The following MTREX variants were observed in gnomAD, a reference collection of about 807,000 sequenced individuals.
The protein encoded by MTREX is exosome RNA helicase MTR4.
In MTREX, 76 loss-of-function variants were observed where a neutral mutation model predicts 135.4. The observed-to-expected ratio is 0.56, with a 90% CI of 0.47 to 0.68. The LOEUF is 0.68. Among genes scored for constraint, MTREX ranks in the 30% least tolerant of loss-of-function variants. The pLI is 0.00. For missense variants in MTREX, 920 were observed against 1,262.1 expected (o/e 0.73, Z 4.11); for synonymous variants, 404 against 401.6 (o/e 1.01, Z -0.07).
intron 14 of MTREX, among the ~76,000 whole-genome samples, chr5:55,355,227 T>G (rs1229512217): frequency 6.6e-6 from 1 of 152,148 alleles, no homozygotes; most frequent in African/African-American, 2.4e-5. Context: ...TCCCAGGCTC[T>G]CTATACTATG....
At position 55,394,442 on chromosome 5, in the gene MTREX, T is replaced by A. The variant is rs565895786; in HGVS notation, c.2182-2974T>A. ...AAGAAACTGGTTTTGTGGAAGATAG[T>A]TTTTCCATGGACCAGTGTGGAGCAG... On this transcript the variant is annotated intron_variant, in intron 19 of 26. Coordinates refer to ENST00000230640, the MANE Select transcript of MTREX (RefSeq NM_015360.5). Among the ~76,000 whole-genome samples the A allele has an allele frequency of 5.3e-5, 8 of 152,274 alleles. No individual in the cohort carries two copies. In the South Asian group the frequency reaches 1.5e-3, roughly 28 times the overall value.
chr5:55,361,832 AT>A, intron 15 of MTREX, among the ~76,000 whole-genome samples: 1 of 151,000 alleles, frequency 6.6e-6, no homozygotes, highest in East Asian at 2.0e-4. Flanking sequence ...GGCTCAAGGG[AT>A]CCTCCTGTCG....
chr5:55,364,184 T>C (rs1750058809), intron 15 of MTREX, among the ~76,000 whole-genome samples: 1 of 152,194 alleles, frequency 6.6e-6, no homozygotes, highest in Non-Finnish European at 1.5e-5. Flanking sequence ...CATCGAGAAT[T>C]AACATGTATT....
chr5:55,349,182 ACT>A (rs1260959684), intron 11 of MTREX, among the ~76,000 whole-genome samples: 3 of 126,556 alleles, frequency 2.4e-5, no homozygotes, highest in Non-Finnish European at 3.3e-5. Context: ...CTCTTTAAAG[ACT>A]CTTTTTTTTT....
chr5:55,403,871 AC>A (rs754142861), intron 21 of MTREX, among the ~76,000 whole-genome samples: 2 of 152,150 alleles, frequency 1.3e-5, no homozygotes, highest in Non-Finnish European at 2.9e-5. Context: ...AGCCCTGTTC[AC>A]AGCAATATAA....
intron 16 of MTREX, among the ~76,000 whole-genome samples, chr5:55,373,445 A>G (rs1252235668): frequency 2.0e-5 from 3 of 152,148 alleles, no homozygotes; most frequent in African/African-American, 7.2e-5. Flanking sequence ...GAAGAGACTT[A>G]TAGGAAGGAA....
At chr5:55,372,907 T>C (rs1750228159) in intron 16 of MTREX, among the ~76,000 whole-genome samples, 1 of 149,706 alleles carries the variant, frequency 6.7e-6, no homozygotes, top group African/African-American at 2.5e-5. Flanking sequence ...TGTGTGTGTG[T>C]GTGTGTGTGT....
At chr5:55,364,766 G>A (rs954569203) in intron 15 of MTREX, among the ~76,000 whole-genome samples, 11 of 152,114 alleles carry the variant, frequency 7.2e-5, no homozygotes, top group African/African-American at 2.7e-4. Context: ...TGAGTAAATA[G>A]TCTGCAATAA....
intron 16 of MTREX, among the ~76,000 whole-genome samples, chr5:55,374,849 C>A (rs1266834084): frequency 6.6e-6 from 1 of 152,162 alleles, no homozygotes; most frequent in Non-Finnish European, 1.5e-5. Flanking sequence ...TATCAGGGAA[C>A]CTGCCCCAAT....
At chr5:55,414,262 T>TTTTA in intron 24 of MTREX, 24 bp downstream of exon 24, 1 of 1,431,942 alleles carries the variant, frequency 7.0e-7, no homozygotes, top group Non-Finnish European at 9.4e-7. Flanking sequence ...TTTTTTTTTT[T>TTTTA]GAACTACATA....
At chr5:55,397,602 G>A in intron 20 of MTREX, 76 bp downstream of exon 20, 1 of 811,306 alleles carries the variant, frequency 1.2e-6, no homozygotes, top group South Asian at 2.3e-5. Flanking sequence ...CAACTGAAAT[G>A]CTTTTAAATA....
intron 1 of MTREX, among the ~76,000 whole-genome samples, chr5:55,318,513 G>A (rs1309780109): frequency 1.3e-5 from 2 of 152,182 alleles, no homozygotes; most frequent in Non-Finnish European, 2.9e-5. Context: ...GCAAACTAAT[G>A]CAGGAACAGA....
chr5:55,346,110 G>C (rs1413284900), intron 10 of MTREX, among the ~76,000 whole-genome samples: 1 of 152,178 alleles, frequency 6.6e-6, no homozygotes, highest in African/African-American at 2.4e-5. Context: ...TAGGAATGCT[G>C]TTGTAAACAT....
At chr5:55,344,126 T>C (rs1312670323) in intron 8 of MTREX, among the ~76,000 whole-genome samples, 1 of 152,200 alleles carries the variant, frequency 6.6e-6, no homozygotes, top group Non-Finnish European at 1.5e-5. Context: ...GATCAAGTGC[T>C]GCTTTATACT....
chr5:55,406,930 C>T (rs1750817430), intron 22 of MTREX, among the ~76,000 whole-genome samples: 1 of 152,292 alleles, frequency 6.6e-6, no homozygotes, highest in African/African-American at 2.4e-5. Context: ...GGAATGTCTC[C>T]TGCCTTAGGA....
At chr5:55,398,492 C>A (rs1354337169) in intron 20 of MTREX, among the ~76,000 whole-genome samples, 5 of 152,148 alleles carry the variant, frequency 3.3e-5, no homozygotes, top group Non-Finnish European at 7.3e-5. Flanking sequence ...CCAAAACAAT[C>A]ACTCCTAGAA....
In MTREX at chr5:55,416,128, T is replaced by C. The variant is rs759362471; in HGVS notation, c.2967T>C (p.Phe989=). The change falls in exon 25 of 27, where the codon TTT becomes TTC. Residue 989 remains phenylalanine (F), a synonymous_variant. Coordinates refer to ENST00000230640, the MANE Select transcript of MTREX (RefSeq NM_015360.5). The part of the protein sequence containing the change: ...FAHICKMTDV[F]EGSIIRCMRR... ...ATATCTGCAAAATGACAGATGTCTTTGAAGGTATGGTTAAATTTTACACAT... is the reference window on the plus strand; with the variant it reads ...ATATCTGCAAAATGACAGATGTCTTCGAAGGTATGGTTAAATTTTACACAT... The C allele has an allele frequency of 6.3e-7, 1 of 1,581,286 alleles. No homozygotes were observed. Among genetic ancestry groups the C allele is most frequent in the Non-Finnish European group, 8.6e-7 (1 of 1,168,474 alleles).
Position 55,334,291 on chromosome 5 carries a change from A to G in MTREX, c.515+5480A>G, listed in dbSNP as rs566405372. Among the ~76,000 whole-genome samples, 10 of 152,198 alleles carry G rather than the reference A, an allele frequency of 6.6e-5. No individual in the cohort carries two copies. In the South Asian group the frequency reaches 1.7e-3, roughly 25 times the overall value. ...TATGAATGTACTAAATGCCACTGAA[A>G]TATACACTTTAAAATGGTTAATTTT... On this transcript the variant is annotated intron_variant, in intron 5 of 26. Transcript: ENST00000230640.
intron 25 of MTREX, among the ~76,000 whole-genome samples, chr5:55,418,182 T>G (rs13168259): frequency 7.0e-6 from 1 of 143,050 alleles, no homozygotes; most frequent in African/African-American, 2.6e-5. Context: ...TGCAGTGAGC[T>G]GAGATTGTGC....
Sources: allele counts gnomAD v4.1 joint callset (sites outside exome capture counted in the v4.1 genomes callset), GRCh38; gene constraint gnomAD v4.1.1; transcripts MANE v1.5; gene names NCBI Gene and HGNC (gene_info 2026-07-23, HGNC 2026-07-21).